Variants in EPHA6 observed in about 807,000 individuals in gnomAD.
EPHA6 encodes the protein EPH receptor A6.
In EPHA6, 50 loss-of-function variants were observed where a neutral mutation model predicts 112.0. The ratio of observed to expected loss-of-function variants is 0.45; its 90% CI spans 0.36 to 0.56. The LOEUF (loss-of-function observed/expected upper bound fraction) is 0.56, where lower values mean the gene tolerates loss of function less well. Ranked by LOEUF, EPHA6 falls within the 20% of genes least tolerant of loss-of-function variation. The pLI is 0.00. For missense variants in EPHA6, 1,280 were observed against 1,417.4 expected, an observed-to-expected ratio of 0.90 and a Z score of 1.56; for synonymous variants, 529 against 490.7, an observed-to-expected ratio of 1.08 and a Z score of -1.03.
At position 97,326,857 on chromosome 3, in the gene EPHA6, C is replaced by T. The variant is rs189387797; in HGVS notation, c.1607-78293C>T. On this transcript the variant is annotated intron_variant, in intron 5 of 17. Coordinates refer to ENST00000389672, the MANE Select transcript of EPHA6 (RefSeq NM_001080448.3). ...CAGATCCTCTGAAATTAAATGTGAA[C>T]GTCTTAATTTGCATGAAAACTGCCT... Among the ~76,000 whole-genome samples the T allele has an allele frequency of 8.7e-4, 133 of 152,154 alleles. 1 individual carries two copies. The highest frequency in any genetic ancestry group is 2.5e-3 in the South Asian group (12 of 4,826).
chr3:97,643,985 A>ATT (rs1354955659), intron 14 of EPHA6, among the ~76,000 whole-genome samples: 3 of 151,048 alleles, frequency 2.0e-5, no homozygotes, highest in South Asian at 2.1e-4. Flanking sequence ...CAGAATATAC[A>ATT]TTTTTTTCAG....
chr3:97,529,148 T>G (rs1208994309), intron 10 of EPHA6, among the ~76,000 whole-genome samples: 2 of 152,198 alleles, frequency 1.3e-5, no homozygotes, highest in East Asian at 3.9e-4. Flanking sequence ...ATATTAACGA[T>G]GATAAACAGC....
At chr3:97,135,447 A>G (rs976866770) in intron 3 of EPHA6, among the ~76,000 whole-genome samples, 2 of 152,206 alleles carry the variant, frequency 1.3e-5, no homozygotes, top group African/African-American at 2.4e-5. Context: ...TTGACACACA[A>G]TAAAAAATTG....
At chr3:97,473,458 A>G (rs2107453521) in intron 7 of EPHA6, among the ~76,000 whole-genome samples, 1 of 151,904 alleles carries the variant, frequency 6.6e-6, no homozygotes. Flanking sequence ...TAACAAAGTA[A>G]TCTGATTTTC....
At chr3:97,646,065 A>C (rs2094059014) in intron 14 of EPHA6, 3 of 1,351,654 alleles carry the variant, frequency 2.2e-6, no homozygotes, top group Admixed American at 4.8e-5. Context: ...TCCTTTTCTA[A>C]TCAAAATACG....
At chr3:97,626,815 G>A (rs1454754342) in intron 13 of EPHA6, among the ~76,000 whole-genome samples, 1 of 151,718 alleles carries the variant, frequency 6.6e-6, no homozygotes, top group African/African-American at 2.4e-5. Context: ...CTACAAATCA[G>A]GGCTTTCTGT....
At chr3:97,517,577 C>T (rs2092467552) in intron 10 of EPHA6, among the ~76,000 whole-genome samples, 1 of 151,988 alleles carries the variant, frequency 6.6e-6, no homozygotes, top group Admixed American at 6.6e-5. Context: ...TGTTACTTCA[C>T]ATGCTTATTT....
At chr3:97,270,117 G>T (rs1170694788) in intron 5 of EPHA6, among the ~76,000 whole-genome samples, 1 of 151,998 alleles carries the variant, frequency 6.6e-6, no homozygotes, top group African/African-American at 2.4e-5. Flanking sequence ...ATAATTTTCA[G>T]AAAAAGCTAA....
At chr3:97,385,141 A>G (rs2085984511) in intron 5 of EPHA6, among the ~76,000 whole-genome samples, 1 of 152,212 alleles carries the variant, frequency 6.6e-6, no homozygotes, top group Non-Finnish European at 1.5e-5. Context: ...GACAAAATCT[A>G]TAATTTATTC....
Position 97,532,552 on chromosome 3 carries a change from C to A in EPHA6, c.2386+9C>A. On this transcript the variant is annotated intron_variant, in intron 11 of 17. Coordinates refer to ENST00000389672, the MANE Select transcript of EPHA6 (RefSeq NM_001080448.3). ...AGGGGTTGTCACCAAAAGTAAGTTACTGAGTTTCTTCATTACTTCTTTCAC... is the reference window on the plus strand; with the variant it reads ...AGGGGTTGTCACCAAAAGTAAGTTAATGAGTTTCTTCATTACTTCTTTCAC... The A allele has an allele frequency of 1.3e-6, 2 of 1,584,510 alleles. No homozygotes were observed. The highest frequency in any genetic ancestry group is 1.7e-6 in the Non-Finnish European group (2 of 1,167,766).
intron 5 of EPHA6, among the ~76,000 whole-genome samples, chr3:97,322,257 TATTTTGA>T (rs1309546955): frequency 6.6e-6 from 1 of 152,018 alleles, no homozygotes; most frequent in African/African-American, 2.4e-5. Flanking sequence ...GTTAGAGAAA[TATTTTGA>T]ATTTTGTACC....
intron 3 of EPHA6, among the ~76,000 whole-genome samples, chr3:97,069,928 A>T (rs1178879214): frequency 6.6e-6 from 1 of 152,116 alleles, no homozygotes; most frequent in African/African-American, 2.4e-5. Context: ...GTGTTTAAGG[A>T]GTGGGACTGG....
intron 2 of EPHA6, among the ~76,000 whole-genome samples, chr3:96,871,252 G>C (rs1191309652): frequency 1.3e-5 from 2 of 151,856 alleles, no homozygotes; most frequent in Non-Finnish European, 2.9e-5. Context: ...ATAGCTGTGA[G>C]GTGTTAATTG....
intron 3 of EPHA6, among the ~76,000 whole-genome samples, chr3:97,102,123 C>T (rs1325080159): frequency 6.6e-6 from 1 of 152,088 alleles, no homozygotes. Context: ...GGCACTGAGC[C>T]GCCATATAAG....
chr3:97,372,841 C>A (rs1391465924), intron 5 of EPHA6, among the ~76,000 whole-genome samples: 1 of 151,962 alleles, frequency 6.6e-6, no homozygotes, highest in Admixed American at 6.6e-5. Context: ...TAGCTGGACT[C>A]CAGGTAAATG....
chr3:97,043,527 C>T (rs758587748), intron 3 of EPHA6, among the ~76,000 whole-genome samples: 3 of 152,116 alleles, frequency 2.0e-5, no homozygotes, highest in Non-Finnish European at 4.4e-5. Context: ...AGAACACTAA[C>T]GGATCTTGTA....
intron 3 of EPHA6, among the ~76,000 whole-genome samples, chr3:97,055,066 G>C (rs1319830654): frequency 6.6e-6 from 1 of 152,072 alleles, no homozygotes; most frequent in Non-Finnish European, 1.5e-5. Context: ...ATTTCTCCTA[G>C]AAAATGTTGC....
intron 3 of EPHA6, among the ~76,000 whole-genome samples, chr3:97,042,234 G>T (rs2045342078): frequency 6.6e-6 from 1 of 151,982 alleles, no homozygotes; most frequent in South Asian, 2.1e-4. Flanking sequence ...GTTCTTAGGA[G>T]ATCTGGTCGT....
At chr3:97,350,227 C>G (rs2083741349) in intron 5 of EPHA6, among the ~76,000 whole-genome samples, 1 of 152,058 alleles carries the variant, frequency 6.6e-6, no homozygotes, top group Non-Finnish European at 1.5e-5. Context: ...AAGGCACTCA[C>G]ACCAAGAATG....
Sources: allele counts gnomAD v4.1 joint callset (sites outside exome capture counted in the v4.1 genomes callset), GRCh38; gene constraint gnomAD v4.1.1; transcripts MANE v1.5; gene names NCBI Gene and HGNC (gene_info 2026-07-23, HGNC 2026-07-21).